The following DNA2 variants were observed in gnomAD, a reference collection of about 807,000 sequenced individuals.
The protein encoded by DNA2 is DNA replication helicase/nuclease 2, also known as DNA replication ATP-dependent helicase/nuclease DNA2.
A neutral mutation model predicts 119.1 loss-of-function variants in DNA2; 101 were observed. The ratio of observed to expected loss-of-function variants is 0.85; its 90% CI spans 0.72 to 1.00. The LOEUF is 1.00. DNA2 is among the 50% of genes least tolerant of loss of function. DNA2 has a pLI of 0.00. For missense variants in DNA2, 1,121 were observed against 1,255.5 expected, an observed-to-expected ratio of 0.89 and a Z score of 1.62; for synonymous variants, 366 against 424.4, an observed-to-expected ratio of 0.86 and a Z score of 1.69.
In DNA2 at chr10:68,465,208, C is replaced by T. The variant is rs184772781; in HGVS notation, c.587+459G>A. On this transcript the variant is annotated intron_variant, in intron 4 of 20. Coordinates refer to ENST00000358410, the MANE Select transcript of DNA2 (RefSeq NM_001080449.3). ...TAATTTTTTGTATTTTTAGTAGAGACGGGGTTTCACCATGTTAGCCAGGAT... is the reference window on the plus strand; with the variant it reads ...TAATTTTTTGTATTTTTAGTAGAGATGGGGTTTCACCATGTTAGCCAGGAT... Among the ~76,000 whole-genome samples the T allele has an allele frequency of 6.9e-3, 1,015 of 147,440 alleles. 10 individuals carry two copies. Among genetic ancestry groups the T allele is most frequent in the African/African-American group, 0.024 (952 of 39,722 alleles).
intron 4 of DNA2, among the ~76,000 whole-genome samples, chr10:68,460,030 T>TAC (rs150226727): frequency 0.45 from 65,507 of 145,470 alleles, 15,717 homozygotes; most frequent in Non-Finnish European, 0.56. Flanking sequence ...CCATCACAAA[T>TAC]ACACACACAC....
chr10:68,460,064 CAAGTTA>C (rs1264195785), intron 4 of DNA2, among the ~76,000 whole-genome samples: 1 of 146,596 alleles, frequency 6.8e-6, no homozygotes, highest in Admixed American at 6.9e-5. Flanking sequence ...CACACACATA[CAAGTTA>C]ACATGGTAAT....
At chr10:68,468,026 A>T in intron 3 of DNA2, 97 bp downstream of exon 3, 1 of 928,686 alleles carries the variant, frequency 1.1e-6, no homozygotes, top group Non-Finnish European at 1.5e-6. Context: ...CATTTATTTT[A>T]TAGGGTTGCT....
In DNA2 at chr10:68,457,241, T is replaced by G. The variant is rs575342663; in HGVS notation, c.719+1863A>C. ...GATGATAAGGCTCCAGGGGAACTAC[T>G]GCTGCTCTTCTCCTACTGCACTTTG... On this transcript the variant is annotated intron_variant, in intron 5 of 20. Coordinates refer to ENST00000358410, the MANE Select transcript of DNA2 (RefSeq NM_001080449.3). 3.3e-5 allele frequency among the ~76,000 whole-genome samples: 5 copies of G among 152,148 alleles called. No homozygotes were observed. In the East Asian group the frequency reaches 9.6e-4, roughly 29 times the overall value.
At chr10:68,461,812 G>A (rs2052262710) in intron 4 of DNA2, among the ~76,000 whole-genome samples, 1 of 126,676 alleles carries the variant, frequency 7.9e-6, no homozygotes, top group Admixed American at 9.6e-5. Flanking sequence ...TGGGAAACAA[G>A]AGTGAAACTC....
At chr10:68,423,559 TG>T (rs1355321620) in intron 14 of DNA2, among the ~76,000 whole-genome samples, 1 of 152,062 alleles carries the variant, frequency 6.6e-6, no homozygotes, top group Admixed American at 6.6e-5. Flanking sequence ...CAAATATCAC[TG>T]GAAAAAAAGT....
chr10:68,443,054 T>C lies in DNA2; in HGVS notation c.1278A>G (p.Ile426Met). The change falls in exon 9 of 21, where the codon ATA becomes ATG. Residue 426 changes from isoleucine (I) to methionine (M), a missense_variant. Physicochemically the swap from Ile to Met is conservative, Grantham distance 10. Transcript: ENST00000358410. ...GCTTCAGATGCTGGGTTTCTTCTTC[T>C]ATTTTGGGCAGCATCACAATTGGGA... ...SSVPIVMLPK[I>M]EEETQHLKQT... 6.3e-7 allele frequency: 1 copy of C among 1,593,238 alleles called. No homozygotes were observed. Among genetic ancestry groups the C allele is most frequent in the Non-Finnish European group, 8.6e-7 (1 of 1,168,654 alleles).
At chr10:68,427,827 C>A (rs2051763185) in intron 14 of DNA2, among the ~76,000 whole-genome samples, 1 of 151,290 alleles carries the variant, frequency 6.6e-6, no homozygotes. Context: ...AGGTCGGGAG[C>A]TCAAGACCAG....
chr10:68,440,852 CA>C (rs756267391), intron 9 of DNA2, among the ~76,000 whole-genome samples: 12 of 152,022 alleles, frequency 7.9e-5, no homozygotes, highest in Admixed American at 1.3e-4. Context: ...GAAGCTAAAG[CA>C]ATGAAATTTT....
intron 19 of DNA2, among the ~76,000 whole-genome samples, chr10:68,418,724 A>G (rs1469416882): frequency 7.4e-6 from 1 of 135,840 alleles, no homozygotes; most frequent in Non-Finnish European, 1.5e-5. Context: ...CCCAGGCTGG[A>G]GTCAATGGTA....
rs2051805719 is a variant in DNA2, at chr10:68,430,502, C to T, written c.2142G>A (p.Glu714=). ...TGGACTTTGATCTGCAAATTTCTTG[C>T]TCTGTAAATTGCTGGATAGCTGGAT... ...KVHPAIQQFT[E]QEICRSKSIK... The change falls in exon 14 of 21, where the codon GAG becomes GAA. Residue 714 remains glutamate (E), a synonymous_variant. Coordinates refer to ENST00000358410, the MANE Select transcript of DNA2 (RefSeq NM_001080449.3). 6.2e-7 allele frequency: 1 copy of T among 1,611,952 alleles called. No homozygotes were observed. The highest frequency in any genetic ancestry group is 1.3e-5 in the African/African-American group (1 of 74,906).
Position 68,422,336 on chromosome 10 carries a change from G to C in DNA2, c.2586C>G (p.His862Gln), listed in dbSNP as rs1010243518. Residue 862 changes from histidine (H) to glutamine (Q), a missense_variant, in exon 17 of 21, where the codon CAC becomes CAG. By Grantham distance (24) the His-to-Gln change is conservative (BLOSUM62 0). Transcript: ENST00000358410. The part of the protein sequence containing the change: ...KVANAVINLR[H>Q]FKDVKLELEF... ...CCAGTTCCAGCTTCACATCTTTAAAGTGACGTAGGTTTATCACTGCATTGG... is the reference window on the plus strand; with the variant it reads ...CCAGTTCCAGCTTCACATCTTTAAACTGACGTAGGTTTATCACTGCATTGG... 2 of 1,613,736 alleles carry C rather than the reference G, an allele frequency of 1.2e-6. No individual in the cohort carries two copies. Among genetic ancestry groups the C allele is most frequent in the African/African-American group, 1.3e-5 (1 of 74,888 alleles).
chr10:68,414,920 A>G lies in DNA2; in HGVS notation c.*119T>C. The G allele has an allele frequency of 1.7e-6, 1 of 584,748 alleles. No individual in the cohort carries two copies. Among genetic ancestry groups the G allele is most frequent in the Non-Finnish European group, 2.9e-6 (1 of 347,042 alleles). The allele number at this position is 584,748 out of a possible 1,614,324, so 36.2% of individuals were successfully genotyped here. A position where few individuals can be genotyped will look rare whatever the true frequency, so the allele number is the denominator to read the frequency against. ...ATTCAGACTTTTCACAGTTTTCGGT[A>G]CACCTGTGCTTTAAAACATAAATAC... On this transcript the variant is annotated 3_prime_UTR_variant, in exon 21 of 21. Coordinates refer to ENST00000358410, the MANE Select transcript of DNA2 (RefSeq NM_001080449.3).
At chr10:68,442,895 C>A in intron 9 of DNA2, 22 bp downstream of exon 9, 1 of 1,565,878 alleles carries the variant, frequency 6.4e-7, no homozygotes, top group Non-Finnish European at 8.6e-7. Context: ...TGAAATCTTA[C>A]TGTACTAAAT....
intron 20 of DNA2, among the ~76,000 whole-genome samples, chr10:68,415,969 C>T (rs548480841): frequency 2.3e-4 from 35 of 152,220 alleles, no homozygotes; most frequent in Middle Eastern, 3.4e-3. Context: ...TTTTAAAAAA[C>T]GATTTATCTT....
At chr10:68,461,752 C>T (rs759970596) in intron 4 of DNA2, among the ~76,000 whole-genome samples, 8 of 148,832 alleles carry the variant, frequency 5.4e-5, no homozygotes, top group East Asian at 2.0e-4. Context: ...TGCTTGAACC[C>T]GGAAGGCGGA....
intron 1 of DNA2, chr10:68,470,721 CA>C (rs2133453591): frequency 6.1e-6 from 2 of 328,530 alleles, no homozygotes; most frequent in South Asian, 4.9e-5. Flanking sequence ...ATGTTTTGGA[CA>C]CGATCCTTTT....
At chr10:68,429,667 G>A (rs1433566167) in intron 14 of DNA2, among the ~76,000 whole-genome samples, 6 of 121,730 alleles carry the variant, frequency 4.9e-5, no homozygotes, top group Admixed American at 1.0e-4. Flanking sequence ...AGCCAGGATC[G>A]CGCCACTGCA....
chr10:68,472,066 G>T (rs779978506), upstream of DNA2: 2 of 1,590,862 alleles, frequency 1.3e-6, no homozygotes, highest in Non-Finnish European at 1.7e-6. Context: ...GAGCAGCAGG[G>T]CTCTGTCCCC....
Sources: allele counts gnomAD v4.1 joint callset (sites outside exome capture counted in the v4.1 genomes callset), GRCh38; gene constraint gnomAD v4.1.1; transcripts MANE v1.5; gene names NCBI Gene and HGNC (gene_info 2026-07-23, HGNC 2026-07-21).